The following KALRN variants were observed in gnomAD, a reference collection of about 807,000 sequenced individuals.
The protein encoded by KALRN is kalirin RhoGEF kinase, also known as kalirin.
KALRN carries 70 observed loss-of-function variants against 353.7 expected under a neutral mutation model. The observed-to-expected ratio is 0.20, with a 90% confidence interval of 0.16 to 0.24. KALRN has a LOEUF of 0.24. Among genes scored for constraint, KALRN ranks in the 10% least tolerant of loss-of-function variants. The pLI is 1.00. For synonymous variants in KALRN, 1,391 were observed against 1,434.8 expected (o/e 0.97, Z 0.69); for missense variants, 2,791 against 3,756.7 (o/e 0.74, Z 6.72).
intron 21 of KALRN, among the ~76,000 whole-genome samples, chr3:124,450,773 G>A (rs916241314): frequency 2.6e-5 from 4 of 152,054 alleles, no homozygotes; most frequent in Non-Finnish European, 5.9e-5. Flanking sequence ...ATGTTGGCCA[G>A]GCTGGTCTTG....
intron 6 of KALRN, among the ~76,000 whole-genome samples, chr3:124,323,091 CA>C (rs34950959): frequency 1.3e-5 from 2 of 151,870 alleles, no homozygotes; most frequent in African/African-American, 4.8e-5. Flanking sequence ...GATAAGGAAA[CA>C]AAAAAAGCAT....
chr3:124,475,301 A>G (rs1397087185), intron 26 of KALRN, among the ~76,000 whole-genome samples: 2 of 152,200 alleles, frequency 1.3e-5, no homozygotes, highest in Non-Finnish European at 2.9e-5. Context: ...TCTGACCCAC[A>G]AGATGAGTGA....
intron 6 of KALRN, among the ~76,000 whole-genome samples, chr3:124,316,797 TTTGTC>T (rs2078856682): frequency 6.6e-6 from 1 of 152,268 alleles, no homozygotes; most frequent in Non-Finnish European, 1.5e-5. Context: ...ACATAGGAAT[TTTGTC>T]TGTCTTGTAC....
intron 1 of KALRN, among the ~76,000 whole-genome samples, chr3:124,204,392 T>G (rs2150422272): frequency 6.6e-6 from 1 of 152,294 alleles, no homozygotes; most frequent in South Asian, 2.1e-4. Flanking sequence ...GGCTACAAAT[T>G]AAAACACTAA....
chr3:124,072,129 T>C (rs1015279081), intron 1 of KALRN, among the ~76,000 whole-genome samples: 4 of 152,242 alleles, frequency 2.6e-5, no homozygotes, highest in South Asian at 2.1e-4. Flanking sequence ...AAAGAGGATA[T>C]TGGGCCAGAT....
intron 1 of KALRN, among the ~76,000 whole-genome samples, chr3:124,206,454 CGTGTGCTTCAGA>C (rs1231449778): frequency 6.6e-6 from 1 of 152,178 alleles, no homozygotes; most frequent in Non-Finnish European, 1.5e-5. Context: ...ATGTAACAGT[CGTGTGCTTCAGA>C]AGAGAGAATG....
intron 16 of KALRN, 50 bp downstream of exon 16, chr3:124,430,825 T>C: frequency 6.3e-7 from 1 of 1,577,986 alleles, no homozygotes; most frequent in Non-Finnish European, 8.6e-7. Flanking sequence ...TTCTGCTCTG[T>C]ACCTCAGGCA....
intron 5 of KALRN, among the ~76,000 whole-genome samples, chr3:124,297,387 C>G (rs753645620): frequency 4.6e-5 from 7 of 152,232 alleles, no homozygotes; most frequent in Non-Finnish European, 7.3e-5. Context: ...TCCAAGTATA[C>G]TCTTTCACAC....
intron 33 of KALRN, among the ~76,000 whole-genome samples, chr3:124,516,036 A>T (rs1369040555): frequency 3.9e-5 from 6 of 152,242 alleles, no homozygotes; most frequent in Non-Finnish European, 8.8e-5. Flanking sequence ...TTGTGGATAT[A>T]CAGAGATCAT....
At chr3:124,718,793 G>A (rs1291788260) in intron 59 of KALRN, 132 bp from the exon 60 acceptor site, 5 of 801,636 alleles carry the variant, frequency 6.2e-6, no homozygotes, top group Non-Finnish European at 9.9e-6. Context: ...TAGTGCATAG[G>A]GAATTTTCTG....
chr3:124,154,288 G>A (rs1306852450), intron 1 of KALRN, among the ~76,000 whole-genome samples: 2 of 152,160 alleles, frequency 1.3e-5, no homozygotes, highest in Non-Finnish European at 2.9e-5. Flanking sequence ...AGGAAATAAA[G>A]GGTATTCAAT....
chr3:124,233,523 C>G (rs550609162), intron 2 of KALRN, among the ~76,000 whole-genome samples: 1 of 152,152 alleles, frequency 6.6e-6, no homozygotes, highest in Non-Finnish European at 1.5e-5. Flanking sequence ...TTCATCAGGG[C>G]TGAATCTCAC....
chr3:124,116,996 AGGCCTCTTGCTTT>A (rs2063516185), intron 1 of KALRN, among the ~76,000 whole-genome samples: 1 of 152,220 alleles, frequency 6.6e-6, no homozygotes, highest in South Asian at 2.1e-4. Flanking sequence ...CTGTGACCTT[AGGCCTCTTGCTTT>A]GAAGCAGAGT....
intron 33 of KALRN, among the ~76,000 whole-genome samples, chr3:124,531,882 T>C (rs1162667258): frequency 6.6e-6 from 1 of 152,166 alleles, no homozygotes; most frequent in Non-Finnish European, 1.5e-5. Flanking sequence ...CCCCTGTCCA[T>C]GAATGATAGG....
intron 34 of KALRN, among the ~76,000 whole-genome samples, chr3:124,609,617 A>T (rs2077709490): frequency 6.6e-6 from 1 of 152,240 alleles, no homozygotes; most frequent in Non-Finnish European, 1.5e-5. Flanking sequence ...CTGGGAAGGA[A>T]AATGAGAGTG....
intron 1 of KALRN, among the ~76,000 whole-genome samples, chr3:124,205,408 T>C (rs2076328450): frequency 6.6e-6 from 1 of 152,208 alleles, no homozygotes. Context: ...CAGCTCCTAC[T>C]TGACAGTCGT....
intron 33 of KALRN, among the ~76,000 whole-genome samples, chr3:124,559,305 A>G (rs371518002): frequency 6.6e-6 from 1 of 152,326 alleles, no homozygotes; most frequent in African/African-American, 2.4e-5. Context: ...GCCAGGACCC[A>G]GAAAGGAGAG....
intron 33 of KALRN, among the ~76,000 whole-genome samples, chr3:124,550,877 T>C (rs895202317): frequency 4.6e-5 from 7 of 151,946 alleles, no homozygotes; most frequent in Non-Finnish European, 1.0e-4. Flanking sequence ...TAGTCCCAGC[T>C]ACTCGGGAGG....
chr3:124,193,391 A>C (rs2075125978), intron 1 of KALRN, among the ~76,000 whole-genome samples: 1 of 142,578 alleles, frequency 7.0e-6, no homozygotes. Context: ...CTACATTCTT[A>C]CTCTCTTTTT....
Sources: gnomAD v4.1 joint callset for allele counts (sites outside exome capture counted in the v4.1 genomes callset) on GRCh38, gnomAD v4.1.1 for gene constraint, MANE v1.5 for transcripts, NCBI Gene and HGNC (gene_info 2026-07-23, HGNC 2026-07-21) for gene names.